The following UMAD1 variants were observed in gnomAD, a reference collection of about 807,000 sequenced individuals.
UMAD1 encodes UBAP1-MVB12-associated (UMA) domain containing 1.
A neutral mutation model predicts 6.1 loss-of-function variants in UMAD1; 8 were observed. The ratio of observed to expected loss-of-function variants is 1.30; its 90% CI spans 0.76 to 2.35. UMAD1 has a LOEUF of 2.35. Among genes scored for constraint, UMAD1 ranks in the 30% most tolerant of loss-of-function variants. The probability of loss-of-function intolerance (pLI) is 0.00; values close to 1 mark genes in which losing one functional copy is unlikely to be tolerated. For synonymous variants in UMAD1, 56 were observed against 31.4 expected, an observed-to-expected ratio of 1.78 and a Z score of -2.61; for missense variants, 130 against 78.4, an observed-to-expected ratio of 1.66 and a Z score of -2.49.
chr7:7,648,548 A>G (rs1200567493), intron 1 of UMAD1, among the ~76,000 whole-genome samples: 1 of 152,170 alleles, frequency 6.6e-6, no homozygotes, highest in Non-Finnish European at 1.5e-5. Flanking sequence ...CAGACTGGGT[A>G]ATTTATAAAG....
chr7:7,794,953 T>C lies in UMAD1; in HGVS notation c.83-6717T>C, dbSNP rs979346911. 5.9e-5 allele frequency among the ~76,000 whole-genome samples: 9 copies of C among 152,216 alleles called. No homozygotes were observed. The East Asian group carries it at 1.5e-3, about 26-fold the overall frequency. On this transcript the variant is annotated intron_variant, in intron 2 of 3. Coordinates refer to ENST00000682710, the MANE Select transcript of UMAD1 (RefSeq NM_001302348.2). ...AACCTTGGCTTCCACAATGCCCTTT[T>C]TCTTAACTCAAGCATTTACTTCTAG...
intron 2 of UMAD1, among the ~76,000 whole-genome samples, chr7:7,714,503 A>C (rs1780843509): frequency 1.3e-5 from 2 of 152,276 alleles, no homozygotes; most frequent in South Asian, 4.1e-4. Context: ...TAATCTATAT[A>C]GTTTAATTGC....
intron 3 of UMAD1, among the ~76,000 whole-genome samples, chr7:7,843,870 A>G (rs913658527): frequency 3.3e-5 from 5 of 152,126 alleles, no homozygotes; most frequent in African/African-American, 7.2e-5. Flanking sequence ...ATTCCTTCCC[A>G]TAATTGCAAA....
intron 3 of UMAD1, among the ~76,000 whole-genome samples, chr7:7,847,330 GTA>G (rs140752440): frequency 3.0e-4 from 44 of 147,146 alleles, no homozygotes; most frequent in Admixed American, 5.4e-4. Flanking sequence ...ATAGCTTTGT[GTA>G]TATATATATA....
intron 2 of UMAD1, among the ~76,000 whole-genome samples, chr7:7,686,924 A>T (rs998528680): frequency 6.6e-6 from 1 of 152,166 alleles, no homozygotes; most frequent in African/African-American, 2.4e-5. Flanking sequence ...TGGAATGTGG[A>T]TATGATGATT....
intron 2 of UMAD1, among the ~76,000 whole-genome samples, chr7:7,781,364 C>G (rs903443461): frequency 6.6e-5 from 10 of 151,614 alleles, no homozygotes; most frequent in Admixed American, 5.9e-4. Flanking sequence ...TATTCTTGCT[C>G]CTCTTTCTTT....
At chr7:7,666,915 C>T (rs1185334706) in intron 1 of UMAD1, among the ~76,000 whole-genome samples, 1 of 152,158 alleles carries the variant, frequency 6.6e-6, no homozygotes, top group Non-Finnish European at 1.5e-5. Flanking sequence ...AAGTAATTCT[C>T]CTGCCTCTCA....
chr7:7,695,320 C>A (rs1780284057), intron 2 of UMAD1, among the ~76,000 whole-genome samples: 1 of 152,116 alleles, frequency 6.6e-6, no homozygotes, highest in African/African-American at 2.4e-5. Context: ...TCAAGCCCAG[C>A]CAACTTTAAG....
intron 2 of UMAD1, among the ~76,000 whole-genome samples, chr7:7,689,135 C>T (rs1010498498): frequency 6.6e-6 from 1 of 152,092 alleles, no homozygotes; most frequent in Admixed American, 6.6e-5. Flanking sequence ...AAGCCAGTCA[C>T]GGTAGTCTAA....
At chr7:7,712,467 A>G (rs755612779) in intron 2 of UMAD1, among the ~76,000 whole-genome samples, 1 of 152,104 alleles carries the variant, frequency 6.6e-6, no homozygotes, top group Non-Finnish European at 1.5e-5. Flanking sequence ...TTGTTTTATT[A>G]TTATAGTAAA....
chr7:7,848,696 A>C (rs534278050), intron 3 of UMAD1, among the ~76,000 whole-genome samples: 21 of 152,240 alleles, frequency 1.4e-4, no homozygotes, highest in Middle Eastern at 3.4e-3. Flanking sequence ...GCCAGTAAAT[A>C]ATTATAAAAA....
chr7:7,872,461 G>A (rs1007908533), intron 3 of UMAD1, among the ~76,000 whole-genome samples: 1 of 152,168 alleles, frequency 6.6e-6, no homozygotes, highest in Non-Finnish European at 1.5e-5. Context: ...TCTTACATGG[G>A]CATGGTTCGT....
At chr7:7,771,504 G>A (rs1583813201) in intron 2 of UMAD1, among the ~76,000 whole-genome samples, 1 of 152,254 alleles carries the variant, frequency 6.6e-6, no homozygotes, top group East Asian at 1.9e-4. Flanking sequence ...ATAATCATTG[G>A]CTGCTAGCAG....
intron 2 of UMAD1, among the ~76,000 whole-genome samples, chr7:7,764,695 T>C (rs1201208131): frequency 6.6e-6 from 1 of 152,246 alleles, no homozygotes; most frequent in African/African-American, 2.4e-5. Flanking sequence ...ATATTTTTAA[T>C]GTTGTCTATA....
At chr7:7,667,778 G>A (rs984610403) in intron 1 of UMAD1, among the ~76,000 whole-genome samples, 6 of 152,178 alleles carry the variant, frequency 3.9e-5, no homozygotes, top group Admixed American at 3.3e-4. Context: ...GTCCAACACA[G>A]ACGTCCTAAG....
intron 2 of UMAD1, among the ~76,000 whole-genome samples, chr7:7,738,116 G>C (rs925455844): frequency 2.6e-5 from 4 of 152,006 alleles, no homozygotes; most frequent in African/African-American, 4.8e-5. Flanking sequence ...TTGATAAAAG[G>C]GTCTGTAGAA....
At chr7:7,862,301 T>C (rs949203180) in intron 3 of UMAD1, among the ~76,000 whole-genome samples, 1 of 152,184 alleles carries the variant, frequency 6.6e-6, no homozygotes, top group African/African-American at 2.4e-5. Flanking sequence ...ATGTAGATGA[T>C]TGAAGTACTT....
At chr7:7,783,682 G>C (rs1033515848) in intron 2 of UMAD1, among the ~76,000 whole-genome samples, 1 of 152,148 alleles carries the variant, frequency 6.6e-6, no homozygotes, top group Admixed American at 6.5e-5. Context: ...GCGTAAAACT[G>C]GTTCTAAGTC....
intron 2 of UMAD1, among the ~76,000 whole-genome samples, chr7:7,799,445 G>C (rs1460160943): frequency 1.3e-5 from 2 of 152,228 alleles, no homozygotes; most frequent in Non-Finnish European, 2.9e-5. Context: ...CAGGGAGAAA[G>C]TTTTGTGTAG....
Sources: gnomAD v4.1 joint callset for allele counts (sites outside exome capture counted in the v4.1 genomes callset) on GRCh38, gnomAD v4.1.1 for gene constraint, MANE v1.5 for transcripts, NCBI Gene and HGNC (gene_info 2026-07-23, HGNC 2026-07-21) for gene names.